SMYD1: variants seen among roughly 807,000 people sequenced by gnomAD.
The protein encoded by SMYD1 is histone-lysine N-methyltransferase SMYD1.
In SMYD1, 49 loss-of-function variants were observed where a neutral mutation model predicts 54.0. The observed-to-expected ratio is 0.91, with a 90% CI of 0.72 to 1.15. SMYD1 has a LOEUF of 1.15. Among genes scored for constraint, SMYD1 ranks in the 50% most tolerant of loss-of-function variants. The pLI is 0.00. For synonymous variants in SMYD1, 269 were observed against 234.2 expected (o/e 1.15, Z -1.36); for missense variants, 653 against 639.6 (o/e 1.02, Z -0.23).
rs1000818998 is a variant in SMYD1 at position 88,087,970 on chromosome 2, G to T, written c.423G>T (p.Glu141Asp). ...DLQNHVEHFG[E>D]EEQKDLRVDV... ...AGAACCACGTGGAGCACTTTGGGGA[G>T]GAGGAGCAGAAGGACCTGCGGGTGG... Residue 141 changes from glutamate (E) to aspartate (D), a missense_variant, in exon 3 of 10, where the codon GAG (glutamate) becomes GAT (aspartate). Coordinates refer to ENST00000419482, the MANE Select transcript of SMYD1 (RefSeq NM_198274.4). 2.5e-6 allele frequency: 4 copies of T among 1,614,054 alleles called. No homozygotes were observed. The highest frequency in any genetic ancestry group is 1.3e-5 in the African/African-American group (1 of 74,922).
At chr2:88,104,458 G>A (rs1674809870) in intron 7 of SMYD1, among the ~76,000 whole-genome samples, 1 of 152,214 alleles carries the variant, frequency 6.6e-6, no homozygotes, top group Non-Finnish European at 1.5e-5. Context: ...GAGGCACGAG[G>A]TGGGAGCTGG....
At chr2:88,068,856 C>A (rs1046249163) in intron 1 of SMYD1, among the ~76,000 whole-genome samples, 1 of 151,878 alleles carries the variant, frequency 6.6e-6, no homozygotes, top group South Asian at 2.1e-4. Flanking sequence ...TTTATTTATC[C>A]ATTCCCCTAT....
chr2:88,102,122 A>G (rs1031210261), intron 6 of SMYD1, among the ~76,000 whole-genome samples: 1 of 151,910 alleles, frequency 6.6e-6, no homozygotes, highest in Non-Finnish European at 1.5e-5. Context: ...GCATATGTCA[A>G]TTTTACAGTC....
At position 88,084,347 on chromosome 2, in the gene SMYD1, A is replaced by G; in HGVS notation, c.169A>G (p.Lys57Glu). 1 of 1,582,542 alleles carries G rather than the reference A, an allele frequency of 6.3e-7. No individual in the cohort carries two copies. The highest frequency in any genetic ancestry group is 8.7e-7 in the Non-Finnish European group (1 of 1,154,218). ...TAATTTTGTGTGCCACACCTGCTTC[A>G]AGAGGCAGGAGAAGCTCCATCGCTG... Reference protein sequence around the residue: ...LVNFVCHTCFKRQEKLHRCGQ... With the variant: ...LVNFVCHTCFERQEKLHRCGQ... Residue 57 changes from lysine (K) to glutamate (E), a missense_variant, in exon 2 of 10, where the codon AAG becomes GAG. By Grantham distance (56) the Lys-to-Glu change is moderately conservative (BLOSUM62 1). Coordinates refer to ENST00000419482, the MANE Select transcript of SMYD1 (RefSeq NM_198274.4).
At chr2:88,084,286 C>CA in intron 1 of SMYD1, 30 bp from the exon 2 acceptor site, 1 of 1,541,346 alleles carries the variant, frequency 6.5e-7, no homozygotes, top group Non-Finnish European at 8.9e-7. Context: ...ACTGTGCTCC[C>CA]AATCATGTGT....
At chr2:88,108,336 G>A in intron 8 of SMYD1, 35 bp from the exon 9 acceptor site, 1 of 1,510,292 alleles carries the variant, frequency 6.6e-7, no homozygotes, top group Non-Finnish European at 8.9e-7. Context: ...AAGGGTGATT[G>A]GTATGATGTA....
rs1399600940 is a variant in SMYD1 at position 88,103,049 on chromosome 2, C to T, written c.889-9C>T. The T allele has an allele frequency of 3.7e-6, 6 of 1,613,448 alleles. No homozygotes were observed. The highest frequency in any genetic ancestry group is 5.1e-6 in the Non-Finnish European group (6 of 1,179,564). ...GGCATCTCTAGCTCAATGTGTCTCT[C>T]TTTCCCAGCCCTCTCAGGAAGTGGT... On this transcript the variant is annotated splice_polypyrimidine_tract_variant and intron_variant, in intron 6 of 9. Transcript: ENST00000419482.
intron 7 of SMYD1, among the ~76,000 whole-genome samples, chr2:88,103,640 C>A (rs1158699098): frequency 6.6e-6 from 1 of 152,058 alleles, no homozygotes; most frequent in African/African-American, 2.4e-5. Flanking sequence ...CAGGCCCCCA[C>A]TCAGGACAAT....
chr2:88,094,605 CATAT>C (rs1674535699), intron 5 of SMYD1, among the ~76,000 whole-genome samples: 1 of 152,170 alleles, frequency 6.6e-6, no homozygotes, highest in South Asian at 2.1e-4. Context: ...ATCAGGCATA[CATAT>C]ATGCATCTTT....
chr2:88,110,458 C>T lies in SMYD1; in HGVS notation c.1419C>T (p.Val473=). The change falls in exon 10 of 10, where the codon GTC becomes GTT. Residue 473 remains valine, a synonymous_variant. Transcript: ENST00000419482. ...CCCTGAACAACCAGCCCATGCAGGT[C>T]ATGGCCGAGCCCAGCAATGAGCCAT... ...EAALNNQPMQ[V]MAEPSNEPSP... 1.9e-6 allele frequency: 3 copies of T among 1,604,620 alleles called. No homozygotes were observed. Among genetic ancestry groups the T allele is most frequent in the Non-Finnish European group, 2.6e-6 (3 of 1,175,358 alleles).
chr2:88,106,472 A>T lies in SMYD1; in HGVS notation c.1129A>T (p.Met377Leu). The change falls in exon 8 of 10, where the codon ATG (methionine) becomes TTG (leucine). Residue 377 changes from methionine to leucine, a missense_variant. Met to Leu is a conservative substitution (Grantham distance 15). Transcript: ENST00000419482. ...FEEASFYARR[M>L]VDGYMKLYHP... ...GGAGGCCTCGTTCTATGCCAGGAGG[A>T]TGGTGGACGGCTATATGTAGGTGAC... 6.2e-7 allele frequency: 1 copy of T among 1,613,956 alleles called. No individual in the cohort carries two copies.
At chr2:88,093,738 C>T (rs982420141) in intron 5 of SMYD1, among the ~76,000 whole-genome samples, 183 bp downstream of exon 5, 3 of 152,174 alleles carry the variant, frequency 2.0e-5, no homozygotes, top group South Asian at 2.1e-4. Context: ...CCACATATCA[C>T]CTGCCTTGCC....
At position 88,089,919 on chromosome 2, in the gene SMYD1, C is replaced by T. The variant is rs1573111501; in HGVS notation, c.529-1093C>T. ...AGCTTTTACTTTTACCTGTTATGTT[C>T]TATAGCCTTGGGGTGAATTGGTGTG... On this transcript the variant is annotated intron_variant, in intron 3 of 9. Coordinates refer to ENST00000419482, the MANE Select transcript of SMYD1 (RefSeq NM_198274.4). 1.3e-5 allele frequency among the ~76,000 whole-genome samples: 2 copies of T among 152,234 alleles called. 1 individual carries two copies. The highest frequency in any genetic ancestry group is 4.8e-5 in the African/African-American group (2 of 41,548).
Position 88,084,339 on chromosome 2 carries a change from C to A in SMYD1, c.161C>A (p.Thr54Asn). Residue 54 changes from threonine to asparagine, a missense_variant, in exon 2 of 10, where the codon ACC (threonine) becomes AAC (asparagine). Physicochemically the swap from Thr to Asn is moderately conservative, Grantham distance 65. Transcript: ENST00000419482. ...AGCCTTGTTAATTTTGTGTGCCACA[C>A]CTGCTTCAAGAGGCAGGAGAAGCTC... is the stretch of plus-strand genomic sequence containing the variant. ...FDSLVNFVCH[T>N]CFKRQEKLHR... 2 of 1,578,304 alleles carry A rather than the reference C, an allele frequency of 1.3e-6. No individual in the cohort carries two copies. Among genetic ancestry groups the A allele is most frequent in the Middle Eastern group, 1.7e-4 (1 of 5,934 alleles).
chr2:88,108,296 T>A (rs1194106151), intron 8 of SMYD1, 75 bp from the exon 9 acceptor site: 2 of 1,407,604 alleles, frequency 1.4e-6, no homozygotes, highest in Non-Finnish European at 1.9e-6. Context: ...ACAAGGGCAC[T>A]TTATACATTA....
chr2:88,110,448 C>T lies in SMYD1; in HGVS notation c.1409C>T (p.Pro470Leu), dbSNP rs374270722. ...KMREAALNNQ[P>L]MQVMAEPSNE... ...CGCGAGGCTGCCCTGAACAACCAGC[C>T]CATGCAGGTCATGGCCGAGCCCAGC... The change falls in exon 10 of 10, where the codon CCC becomes CTC. Residue 470 changes from proline to leucine, a missense_variant. Pro to Leu is a moderately conservative substitution (Grantham distance 98). Transcript: ENST00000419482. The T allele has an allele frequency of 3.1e-5, 50 of 1,607,474 alleles. No homozygotes were observed. In the African/African-American group the frequency reaches 6.0e-4, roughly 19 times the overall value.
chr2:88,073,156 GTTAT>G (rs1673986025), intron 1 of SMYD1, among the ~76,000 whole-genome samples: 1 of 152,146 alleles, frequency 6.6e-6, no homozygotes, highest in African/African-American at 2.4e-5. Context: ...ATGAAAACAT[GTTAT>G]TTGGTTTTCT....
At chr2:88,084,287 A>C (rs768618003) in intron 1 of SMYD1, 29 bp from the exon 2 acceptor site, 6 of 1,543,770 alleles carry the variant, frequency 3.9e-6, no homozygotes, top group Non-Finnish European at 3.5e-6. Context: ...CTGTGCTCCC[A>C]ATCATGTGTC....
chr2:88,105,713 G>A (rs1041558270), intron 7 of SMYD1, among the ~76,000 whole-genome samples: 10 of 152,216 alleles, frequency 6.6e-5, no homozygotes, highest in Non-Finnish European at 1.3e-4. Context: ...TGAGGTGGGC[G>A]GATTGCCTGA....
Sources: allele counts gnomAD v4.1 joint callset (sites outside exome capture counted in the v4.1 genomes callset), GRCh38; gene constraint gnomAD v4.1.1; transcripts MANE v1.5; gene names NCBI Gene and HGNC (gene_info 2026-07-23, HGNC 2026-07-21).